Variants in PRDM16 observed in about 807,000 individuals in gnomAD.
PRDM16 encodes the protein histone-lysine N-methyltransferase PRDM16.
In PRDM16, 23 loss-of-function variants were observed where a neutral mutation model predicts 110.6. That is an observed-to-expected ratio of 0.21 (90% CI 0.15 to 0.29). PRDM16 has a LOEUF of 0.29. Among genes scored for constraint, PRDM16 ranks in the 10% least tolerant of loss-of-function variants. The pLI, the probability that PRDM16 is intolerant of heterozygous loss-of-function variation, is 1.00. For synonymous variants in PRDM16, 799 were observed against 781.8 expected (o/e 1.02, Z -0.37); for missense variants, 1,615 against 1,794.3 (o/e 0.90, Z 1.81).
chr1:3,092,674 C>T (rs911086770), intron 1 of PRDM16, among the ~76,000 whole-genome samples: 1 of 152,150 alleles, frequency 6.6e-6, no homozygotes, highest in Non-Finnish European at 1.5e-5. Flanking sequence ...TGGATGGCGC[C>T]TGGGTGCGGG....
chr1:3,396,447 C>G, intron 4 of PRDM16, 44 bp from the exon 5 acceptor site: 1 of 1,153,342 alleles, frequency 8.7e-7, no homozygotes. Context: ...CTCCAGACAC[C>G]AACAAACCAC....
chr1:3,127,208 C>T (rs931090996), intron 1 of PRDM16, among the ~76,000 whole-genome samples: 3 of 152,376 alleles, frequency 2.0e-5, no homozygotes, highest in Admixed American at 6.5e-5. Context: ...CACTCTTCTG[C>T]GATCCTCGCT....
chr1:3,404,955 T>C, intron 7 of PRDM16, 69 bp downstream of exon 7: 1 of 1,532,724 alleles, frequency 6.5e-7, no homozygotes, highest in South Asian at 1.2e-5. Flanking sequence ...CCCGCCCCCG[T>C]GCTCCCTACA....
chr1:3,376,382 CCTT>C (rs1417569998), intron 3 of PRDM16, among the ~76,000 whole-genome samples: 24 of 152,216 alleles, frequency 1.6e-4, no homozygotes, highest in Admixed American at 5.2e-4. Context: ...GTGTCCCGGG[CCTT>C]CTTCTGCCCT....
intron 2 of PRDM16, among the ~76,000 whole-genome samples, chr1:3,200,491 C>T (rs576834263): frequency 2.6e-4 from 39 of 152,218 alleles, no homozygotes; most frequent in East Asian, 1.7e-3. Context: ...TACAGGCGCC[C>T]GCCACCACGC....
chr1:3,085,004 G>A (rs1169874219), intron 1 of PRDM16, among the ~76,000 whole-genome samples: 3 of 152,178 alleles, frequency 2.0e-5, no homozygotes, highest in African/African-American at 7.2e-5. Context: ...CAGCAGCTGG[G>A]ATGGTTTCTG....
At chr1:3,192,664 C>T (rs1295913608) in intron 2 of PRDM16, among the ~76,000 whole-genome samples, 1 of 152,122 alleles carries the variant, frequency 6.6e-6, no homozygotes, top group Non-Finnish European at 1.5e-5. Context: ...GGTCTGAGCC[C>T]AGGCAGAAGC....
intron 3 of PRDM16, among the ~76,000 whole-genome samples, chr1:3,266,006 C>T (rs1640282010): frequency 6.6e-6 from 1 of 152,320 alleles, no homozygotes; most frequent in Admixed American, 6.5e-5. Context: ...GCCACCTGGC[C>T]CCTCTTTCCA....
intron 1 of PRDM16, among the ~76,000 whole-genome samples, chr1:3,128,365 G>A (rs750765975): frequency 1.3e-5 from 2 of 152,204 alleles, no homozygotes; most frequent in African/African-American, 2.4e-5. Flanking sequence ...AGTTAAAGTG[G>A]CATTTATAGT....
chr1:3,145,463 C>G (rs1643629164), intron 1 of PRDM16, among the ~76,000 whole-genome samples: 1 of 152,184 alleles, frequency 6.6e-6, no homozygotes, highest in South Asian at 2.1e-4. Flanking sequence ...GGAACGGGGC[C>G]TTGGACGGCA....
At chr1:3,340,535 C>T (rs532976556) in intron 3 of PRDM16, among the ~76,000 whole-genome samples, 1 of 152,300 alleles carries the variant, frequency 6.6e-6, no homozygotes, top group South Asian at 2.1e-4. Context: ...TGCATCAATA[C>T]CATCTACGTT....
intron 3 of PRDM16, among the ~76,000 whole-genome samples, chr1:3,352,295 C>T (rs1034022249): frequency 2.0e-5 from 3 of 152,202 alleles, no homozygotes; most frequent in African/African-American, 7.2e-5. Flanking sequence ...CCATCCCAGC[C>T]GTGCCCACCC....
chr1:3,098,448 C>A (rs1447943688), intron 1 of PRDM16, among the ~76,000 whole-genome samples: 1 of 152,160 alleles, frequency 6.6e-6, no homozygotes, highest in Non-Finnish European at 1.5e-5. Context: ...CTTGTCTCCC[C>A]CACTCACCGC....
intron 3 of PRDM16, among the ~76,000 whole-genome samples, chr1:3,264,736 T>C (rs1222121274): frequency 1.3e-5 from 2 of 151,058 alleles, no homozygotes; most frequent in African/African-American, 4.9e-5. Context: ...AGGTCCCATG[T>C]GCGTGAGTCC....
intron 12 of PRDM16, among the ~76,000 whole-genome samples, chr1:3,423,560 C>T (rs1255426830): frequency 6.6e-6 from 1 of 152,220 alleles, no homozygotes; most frequent in Non-Finnish European, 1.5e-5. Flanking sequence ...TCACCAGGCA[C>T]GTCCCCATCC....
chr1:3,337,732 G>C (rs950648773), intron 3 of PRDM16, among the ~76,000 whole-genome samples: 21 of 152,198 alleles, frequency 1.4e-4, no homozygotes, highest in African/African-American at 4.8e-4. Context: ...TGGTCTCTCT[G>C]GTTGGGGATC....
intron 2 of PRDM16, among the ~76,000 whole-genome samples, chr1:3,189,393 C>T (rs1638242014): frequency 6.6e-6 from 1 of 151,642 alleles, no homozygotes; most frequent in Non-Finnish European, 1.5e-5. Flanking sequence ...ACATGGGTGC[C>T]AGCGTCACGC....
rs1322546608 is a variant in PRDM16 at position 3,244,441 on chromosome 1, C to G, written c.438+304C>G. On this transcript the variant is annotated intron_variant, in intron 3 of 16. Transcript: ENST00000270722. The surrounding 1 kb of genome is among the most constrained non-coding windows in gnomAD (Gnocchi z 4.1). ...ACCTGTGGGAAAGCTTCAGGCCACGCAGACAGGAAAATTAAATAAACGCAG... is the reference window on the plus strand; with the variant it reads ...ACCTGTGGGAAAGCTTCAGGCCACGGAGACAGGAAAATTAAATAAACGCAG... Among the ~76,000 whole-genome samples the G allele has an allele frequency of 6.6e-6, 1 of 152,052 alleles. No individual in the cohort carries two copies. The highest frequency in any genetic ancestry group is 1.5e-5 in the Non-Finnish European group (1 of 68,002).
intron 1 of PRDM16, among the ~76,000 whole-genome samples, chr1:3,184,318 T>C (rs1427041848): frequency 6.6e-6 from 1 of 152,196 alleles, no homozygotes; most frequent in Non-Finnish European, 1.5e-5. Flanking sequence ...GTGAGGAATC[T>C]GAAGTCATTT....
Sources: gnomAD v4.1 joint callset for allele counts (sites outside exome capture counted in the v4.1 genomes callset) on GRCh38, gnomAD v4.1.1 for gene constraint, Gnocchi (gnomAD v3.1) non-coding constraint, MANE v1.5 for transcripts, NCBI Gene and HGNC (gene_info 2026-07-23, HGNC 2026-07-21) for gene names.